Variants in LAIR1 observed in about 807,000 individuals in gnomAD.
The protein encoded by LAIR1 is leukocyte associated immunoglobulin like receptor 1, also known as leukocyte-associated immunoglobulin-like receptor 1.
In LAIR1, 24 loss-of-function variants were observed where a neutral mutation model predicts 32.8. The ratio of observed to expected loss-of-function variants is 0.73; its 90% CI spans 0.53 to 1.03. LAIR1 has a LOEUF of 1.03. Ranked by LOEUF, LAIR1 falls within the 50% of genes least tolerant of loss-of-function variation. LAIR1 has a pLI of 0.00. For synonymous variants in LAIR1, 150 were observed against 140.5 expected, an observed-to-expected ratio of 1.07 and a Z score of -0.48; for missense variants, 355 against 347.5, an observed-to-expected ratio of 1.02 and a Z score of -0.17.
At chr19:54,358,256 C>G (rs945309159) in intron 4 of LAIR1, 1 of 143,606 alleles carries the variant, frequency 7.0e-6, no homozygotes, top group Non-Finnish European at 1.5e-5. Flanking sequence ...TATTTATTAA[C>G]TATAACACTT....
chr19:54,360,821 CCA>C, intron 3 of LAIR1, 93 bp downstream of exon 3: 2 of 1,272,698 alleles, frequency 1.6e-6, no homozygotes, highest in Non-Finnish European at 2.2e-6. Context: ...ACAAGGTTGG[CCA>C]CAGAGGACAG....
rs535788545 is a variant in LAIR1, at chr19:54,370,466, C to T, written c.-189G>A. 88 of 481,060 alleles carry T rather than the reference C, an allele frequency of 1.8e-4. 1 individual carries two copies. The East Asian group carries it at 3.0e-3, about 16-fold the overall frequency. The allele number at this position is 481,060 out of a possible 1,614,324, so 29.8% of individuals were successfully genotyped here. A position where few individuals can be genotyped will look rare whatever the true frequency, so the allele number is the denominator to read the frequency against. ...CTGCGCTGTGGAGAGACCAGGTCCT[C>T]GGAACAGTATTTTAACCTTGTCCTC... On this transcript the variant is annotated 5_prime_UTR_variant, in exon 1 of 9. Transcript: ENST00000391743.
chr19:54,365,075 T>C, upstream of LAIR1: 1 of 1,353,556 alleles, frequency 7.4e-7, no homozygotes, highest in Non-Finnish European at 9.5e-7. Flanking sequence ...AGTTACCAGA[T>C]GTGTCAGCCT....
At position 54,356,522 on chromosome 19, in the gene LAIR1, G is replaced by T; in HGVS notation, c.552C>A (p.Phe184Leu). 1 of 1,614,084 alleles carries T rather than the reference G, an allele frequency of 6.2e-7. No homozygotes were observed. Among genetic ancestry groups the T allele is most frequent in the Admixed American group, 1.7e-5 (1 of 60,008 alleles). ...FLFCLLLLVLFCLHRQNQIKQ... is the reference protein window; with the variant it reads ...FLFCLLLLVLLCLHRQNQIKQ... ...TTATCTGATTCTGGCGATGGAGGCA[G>T]AAGAGGACCAGGAGGAGGAGACAGA... The change falls in exon 6 of 10, where the codon TTC (phenylalanine) becomes TTA (leucine). Residue 184 changes from phenylalanine (F) to leucine (L), a missense_variant. Coordinates refer to ENST00000391742, the MANE Select transcript of LAIR1 (RefSeq NM_002287.6).
rs1229468418 is a variant in LAIR1 at position 54,352,037 on chromosome 19, T to C, written c.*3231A>G. ...ACAGTGATGGTTCTGAATAAAGCCC[T>C]CCTTACTCTGCTTTGATAAAGGTCA... is the stretch of plus-strand genomic sequence containing the variant. On this transcript the variant is annotated 3_prime_UTR_variant, in exon 10 of 10. Transcript: ENST00000391742. The C allele has an allele frequency of 6.6e-6, 1 of 152,292 alleles. No individual in the cohort carries two copies. The highest frequency in any genetic ancestry group is 2.4e-5 in the African/African-American group (1 of 41,564). The allele number at this position is 152,292 out of a possible 1,614,324, so 9.4% of individuals were successfully genotyped here. A position where few individuals can be genotyped will look rare whatever the true frequency, so the allele number is the denominator to read the frequency against.
In LAIR1 at chr19:54,360,972, T is replaced by A. The variant is rs746097931; in HGVS notation, c.308A>T (p.Tyr103Phe). The A allele has an allele frequency of 1.2e-6, 2 of 1,614,184 alleles. No individual in the cohort carries two copies. Among genetic ancestry groups the A allele is most frequent in the Non-Finnish European group, 1.7e-6 (2 of 1,180,040 alleles). ...EGNAGLYRCI[Y>F]YKPPKWSEQS... is the part of the protein sequence containing the mutation. Reference sequence around the variant, plus strand: ...CTCAGACCATTTAGGGGGCTTATAATAGATGCAGCGATAAAGCCCGGCATT... The same window carrying A: ...CTCAGACCATTTAGGGGGCTTATAAAAGATGCAGCGATAAAGCCCGGCATT... The change falls in exon 3 of 10, where the codon TAT (tyrosine) becomes TTT (phenylalanine). Residue 103 changes from tyrosine to phenylalanine, a missense_variant. Transcript: ENST00000391742.
chr19:54,373,777 C>G (rs775795382), upstream of LAIR1, among the ~76,000 whole-genome samples: 5 of 152,162 alleles, frequency 3.3e-5, no homozygotes, highest in Non-Finnish European at 5.9e-5. Flanking sequence ...ATGACCAGTG[C>G]GGTTTTCTCT....
chr19:54,358,048 A>G (rs1380402099), intron 4 of LAIR1: 1 of 147,096 alleles, frequency 6.8e-6, no homozygotes, highest in Non-Finnish European at 1.5e-5. Flanking sequence ...ATCTTGACAT[A>G]TACATATAAT....
Position 54,356,374 on chromosome 19 carries a change from T to C in LAIR1, c.608A>G (p.Glu203Gly). ...KQGPPRSKDEEQKPQQRPDLA... is the reference protein window; with the variant it reads ...KQGPPRSKDEGQKPQQRPDLA... Reference sequence around the variant, plus strand: ...GCCTCACCTCTGCTGTGGCTTCTGCTCCTCGTCCTTGCTTCTGGGGGGCCC... The same window carrying C: ...GCCTCACCTCTGCTGTGGCTTCTGCCCCTCGTCCTTGCTTCTGGGGGGCCC... Residue 203 changes from glutamate (E) to glycine (G), a missense_variant, in exon 7 of 10, where the codon GAG (glutamate) becomes GGG (glycine). Transcript: ENST00000391742. 1 of 1,591,524 alleles carries C rather than the reference T, an allele frequency of 6.3e-7. No individual in the cohort carries two copies. The highest frequency in any genetic ancestry group is 8.6e-7 in the Non-Finnish European group (1 of 1,169,140).
upstream of LAIR1, among the ~76,000 whole-genome samples, chr19:54,367,448 T>C (rs2082289241): frequency 6.6e-6 from 1 of 152,150 alleles, no homozygotes; most frequent in South Asian, 2.1e-4. Context: ...ATATAATATG[T>C]TAAAGATTTT....
At chr19:54,357,306 C>T (rs1486846071) in intron 4 of LAIR1, 9 of 263,120 alleles carry the variant, frequency 3.4e-5, no homozygotes, top group East Asian at 7.0e-5. Context: ...GTTTCCTGGG[C>T]GTGAAGCTGT....
rs1310131759 is a variant in LAIR1 at position 54,353,936 on chromosome 19, T to C, written c.*1332A>G. ...TTTTAGTAGAGATGGGGTTTCACCGTGTTAGCCAGGATGGTCTCGATCTCC... is the reference window on the plus strand; with the variant it reads ...TTTTAGTAGAGATGGGGTTTCACCGCGTTAGCCAGGATGGTCTCGATCTCC... On this transcript the variant is annotated 3_prime_UTR_variant, in exon 10 of 10. Transcript: ENST00000391742. 2.0e-5 allele frequency: 3 copies of C among 149,746 alleles called. No homozygotes were observed. The highest frequency in any genetic ancestry group is 2.0e-4 in the East Asian group (1 of 5,106). The allele number at this position is 149,746 out of a possible 1,614,324, so 9.3% of individuals were successfully genotyped here.
At chr19:54,362,040 T>A (rs1298524196) in intron 2 of LAIR1, among the ~76,000 whole-genome samples, 1 of 151,400 alleles carries the variant, frequency 6.6e-6, no homozygotes, top group Non-Finnish European at 1.5e-5. Flanking sequence ...CATTCCTTAT[T>A]ATTGACAAAT....
At chr19:54,367,797 G>A (rs1299489306), upstream of LAIR1, among the ~76,000 whole-genome samples, 9 of 134,212 alleles carry the variant, frequency 6.7e-5, no homozygotes, top group Non-Finnish European at 9.3e-5. Context: ...ACAGAGTCTC[G>A]CTCTGTCGCC....
intron 3 of LAIR1, 160 bp downstream of exon 3, chr19:54,360,756 G>T (rs372094479): frequency 2.8e-5 from 18 of 650,070 alleles, no homozygotes; most frequent in East Asian, 1.6e-4. Context: ...TGAGGGCAGA[G>T]GGGAGGTGTG....
upstream of LAIR1, chr19:54,368,699 T>A (rs2082328027): frequency 6.6e-6 from 1 of 151,986 alleles, no homozygotes; most frequent in Non-Finnish European, 1.5e-5. Context: ...ATTTATTTAT[T>A]TATTTATTTA....
At position 54,355,866 on chromosome 19, in the gene LAIR1, A is replaced by G. The variant is rs1265795222; in HGVS notation, c.717+88T>C. ...GCCGTGAGCCGGAACCGCCCAGCTG[A>G]GCCACTCCTGAATTCCTAACCCAAG... On this transcript the variant is annotated intron_variant, in intron 9 of 9. Coordinates refer to ENST00000391742, the MANE Select transcript of LAIR1 (RefSeq NM_002287.6). This position sits in a 1 kb window ranked among gnomAD's most constrained non-coding sequence, Gnocchi z 4.7. The G allele has an allele frequency of 2.1e-5, 19 of 920,362 alleles. No individual in the cohort carries two copies. The highest frequency in any genetic ancestry group is 3.4e-5 in the Non-Finnish European group (19 of 554,182). The allele number at this position is 920,362 out of a possible 1,614,324, so 57.0% of individuals were successfully genotyped here. A position where few individuals can be genotyped will look rare whatever the true frequency, so the allele number is the denominator to read the frequency against.
In LAIR1 at chr19:54,353,426, AC is replaced by A. The variant is rs1367940052; in HGVS notation, c.*1841del. 6.6e-6 allele frequency: 1 copy of A among 152,096 alleles called. No homozygotes were observed. Among genetic ancestry groups the A allele is most frequent in the Non-Finnish European group, 1.5e-5 (1 of 68,026 alleles). The allele number at this position is 152,096 out of a possible 1,614,324, so 9.4% of individuals were successfully genotyped here. On this transcript the variant is annotated 3_prime_UTR_variant, in exon 10 of 10. Coordinates refer to ENST00000391742, the MANE Select transcript of LAIR1 (RefSeq NM_002287.6). ...AAATTGGGTAGGCCAGTCAGGTACCACCCTCTTTGAACCAGCACAGAAACCT... is the reference window on the plus strand; with the variant it reads ...AAATTGGGTAGGCCAGTCAGGTACCACCTCTTTGAACCAGCACAGAAACCT...
chr19:54,355,546 G>C lies in LAIR1; in HGVS notation c.718-132C>G, dbSNP rs1356157425. ...CTCCTAAATTGCATCCGTGTGAAGA[G>C]CCCTCCCACAGGGTATTGGGGTTGG... On this transcript the variant is annotated intron_variant, in intron 9 of 9. Coordinates refer to ENST00000391742, the MANE Select transcript of LAIR1 (RefSeq NM_002287.6). This position sits in a 1 kb window ranked among gnomAD's most constrained non-coding sequence, Gnocchi z 4.7. The C allele has an allele frequency of 1.3e-6, 1 of 747,732 alleles. No individual in the cohort carries two copies. Among genetic ancestry groups the C allele is most frequent in the African/African-American group, 1.8e-5 (1 of 56,352 alleles). The allele number at this position is 747,732 out of a possible 1,614,324, so 46.3% of individuals were successfully genotyped here.
Sources: allele counts gnomAD v4.1 joint callset (sites outside exome capture counted in the v4.1 genomes callset), GRCh38; gene constraint gnomAD v4.1.1; non-coding constraint Gnocchi (gnomAD v3.1); transcripts MANE v1.5; gene names NCBI Gene and HGNC (gene_info 2026-07-23, HGNC 2026-07-21).